HTR3A: variants seen among roughly 807,000 people sequenced by gnomAD.
HTR3A encodes the protein 5-hydroxytryptamine receptor 3A, also known as 5-hydroxytryptamine (serotonin) receptor 3A, ionotropic.
Under a neutral mutation model 54.8 loss-of-function variants are expected in HTR3A, and 45 were observed. The ratio of observed to expected loss-of-function variants is 0.82; its 90% CI spans 0.65 to 1.05. The LOEUF is 1.05. Ranked by LOEUF, HTR3A falls within the 50% of genes least tolerant of loss-of-function variation. The pLI, the probability that HTR3A is intolerant of heterozygous loss-of-function variation, is 0.00. For synonymous variants in HTR3A, 297 were observed against 256.0 expected, an observed-to-expected ratio of 1.16 and a Z score of -1.53; for missense variants, 657 against 614.0, an observed-to-expected ratio of 1.07 and a Z score of -0.74.
intron 8 of HTR3A, among the ~76,000 whole-genome samples, chr11:113,987,610 C>T (rs1950508097): frequency 6.6e-6 from 1 of 151,696 alleles, no homozygotes; most frequent in South Asian, 2.1e-4. Context: ...GTCATGCACT[C>T]CTGTGGTCCT....
chr11:113,979,338 T>TC, intron 3 of HTR3A, 61 bp downstream of exon 3: 1 of 1,395,902 alleles, frequency 7.2e-7, no homozygotes, highest in Non-Finnish European at 1.0e-6. Flanking sequence ...AGTCGGGAAT[T>TC]CGGGAGTTTC....
At chr11:113,978,036 T>A in intron 2 of HTR3A, 114 bp downstream of exon 2, 1 of 1,249,630 alleles carries the variant, frequency 8.0e-7, no homozygotes, top group Non-Finnish European at 1.2e-6. Context: ...CCATAGGACC[T>A]ACGGTCTGGC....
rs1443334135 is a variant in HTR3A, at chr11:113,977,754, A to G, written c.68-17A>G. 4 of 1,613,376 alleles carry G rather than the reference A, an allele frequency of 2.5e-6. No homozygotes were observed. In the African/African-American group the frequency reaches 5.3e-5, roughly 22 times the overall value. On this transcript the variant is annotated splice_polypyrimidine_tract_variant and intron_variant, in intron 1 of 8. Coordinates refer to ENST00000504030, the MANE Select transcript of HTR3A (RefSeq NM_000869.6). ...CTTGGGGGGCTGGTGTCTACTTTGA[A>G]CTGTTCTCCTTCCCAGCCAGGAGGA...
In HTR3A at chr11:113,983,150, G is replaced by A. The variant is rs755147159; in HGVS notation, c.405G>A (p.Pro135=). ...ATGTGGGGAAGTCTCCAAATATCCC[G>A]TACGTGTATATTCGGCATCAAGGCG... The part of the protein sequence containing the change: ...FVDVGKSPNI[P]YVYIRHQGEV... The change falls in exon 5 of 9, where the codon CCG becomes CCA. Residue 135 remains proline (P), a synonymous_variant. Coordinates refer to ENST00000504030, the MANE Select transcript of HTR3A (RefSeq NM_000869.6). The A allele has an allele frequency of 1.9e-5, 30 of 1,614,194 alleles. No homozygotes were observed. Among genetic ancestry groups the A allele is most frequent in the Admixed American group, 1.8e-4 (11 of 60,026 alleles).
At chr11:113,987,138 G>C in intron 8 of HTR3A, 92 bp downstream of exon 8, 4 of 1,324,994 alleles carry the variant, frequency 3.0e-6, no homozygotes, top group Non-Finnish European at 4.3e-6. Context: ...TGCCAAGGAG[G>C]TGCTGTACTG....
chr11:113,975,529 C>T (rs1006658755), intron 1 of HTR3A, 137 bp downstream of exon 1: 5 of 722,002 alleles, frequency 6.9e-6, no homozygotes, highest in Admixed American at 4.1e-5. Flanking sequence ...TATCTTACCA[C>T]CTATGAGCAT....
rs537061518 is a variant in HTR3A at position 113,978,033 on chromosome 11, A to G, written c.219+111A>G. ...TGTTAGGCATTTGAGAACCCATAGG[A>G]CCTACGGTCTGGCACCACAGCTCAG... On this transcript the variant is annotated intron_variant, in intron 2 of 8. Transcript: ENST00000504030. The G allele has an allele frequency of 2.3e-6, 3 of 1,290,380 alleles. No homozygotes were observed. In the South Asian group the frequency reaches 3.6e-5, roughly 15 times the overall value. 79.9% of individuals were successfully genotyped at this position (1,290,380 alleles called of 1,614,324 possible).
rs200174404 is a variant in HTR3A at position 113,977,919 on chromosome 11, C to T, written c.216C>T (p.Asn72=). The T allele has an allele frequency of 9.1e-5, 147 of 1,614,074 alleles. 2 individuals are homozygous for T. Among genetic ancestry groups the T allele is most frequent in the Middle Eastern group, 1.6e-4 (1 of 6,084 alleles). The change falls in exon 2 of 9, where the codon AAC becomes AAT. Residue 72 remains asparagine, a synonymous_variant. Coordinates refer to ENST00000504030, the MANE Select transcript of HTR3A (RefSeq NM_000869.6). ...ACGTCATTGTCTATGCCATCCTCAACGTGGTGAGGCTCAGCCCCGAGCTGC... is the reference window on the plus strand; with the variant it reads ...ACGTCATTGTCTATGCCATCCTCAATGTGGTGAGGCTCAGCCCCGAGCTGC... ...SIDVIVYAIL[N]VDEKNQVLTT... is the part of the protein sequence containing the mutation.
intron 4 of HTR3A, 30 bp from the exon 5 acceptor site, chr11:113,983,090 C>A: frequency 6.2e-7 from 1 of 1,614,086 alleles, no homozygotes; most frequent in Non-Finnish European, 8.5e-7. Context: ...GTCTCTTGAG[C>A]TCCCAAACTA....
At position 113,989,848 on chromosome 11, in the gene HTR3A, G is replaced by A. The variant is rs767520175; in HGVS notation, c.*85G>A. ...CTGCTTAGGCCCCTCAGGACCCAGG[G>A]AATGCCAGGGACATTTTCAAGACAC... On this transcript the variant is annotated 3_prime_UTR_variant, in exon 9 of 9. Coordinates refer to ENST00000504030, the MANE Select transcript of HTR3A (RefSeq NM_000869.6). This position sits in a 1 kb window ranked among gnomAD's most constrained non-coding sequence, Gnocchi z 4.4. 7.2e-6 allele frequency: 10 copies of A among 1,398,306 alleles called. No homozygotes were observed. The highest frequency in any genetic ancestry group is 1.0e-5 in the Non-Finnish European group (10 of 997,490). The allele number at this position is 1,398,306 out of a possible 1,614,324, so 86.6% of individuals were successfully genotyped here.
chr11:113,983,243 C>T lies in HTR3A; in HGVS notation c.498C>T (p.Phe166=), dbSNP rs777140975. Residue 166 remains phenylalanine, a synonymous_variant, in exon 5 of 9, where the codon TTC becomes TTT. Coordinates refer to ENST00000504030, the MANE Select transcript of HTR3A (RefSeq NM_000869.6). The part of the protein sequence containing the change: ...ACSLDIYNFP[F]DVQNCSLTFT... ...GCCTCGACATCTACAACTTCCCCTT[C>T]GATGTCCAGAACTGCTCGCTGACCT... The T allele has an allele frequency of 2.4e-5, 39 of 1,614,112 alleles. No individual in the cohort carries two copies. The highest frequency in any genetic ancestry group is 3.3e-5 in the Admixed American group (2 of 60,014).
At chr11:113,987,198 C>T in intron 8 of HTR3A, 152 bp downstream of exon 8, 5 of 777,388 alleles carry the variant, frequency 6.4e-6, no homozygotes, top group South Asian at 5.9e-5. Context: ...CAGCCTTCAG[C>T]CAAAGATGTC....
intron 4 of HTR3A, 74 bp downstream of exon 4, chr11:113,981,386 A>T (rs1950420621): frequency 1.1e-6 from 1 of 886,732 alleles, no homozygotes; most frequent in Non-Finnish European, 1.9e-6. Context: ...GAGAGACAAG[A>T]TTGTCACTGT....
At chr11:113,980,637 G>A (rs1463780096) in intron 3 of HTR3A, among the ~76,000 whole-genome samples, 2 of 152,234 alleles carry the variant, frequency 1.3e-5, no homozygotes, top group Non-Finnish European at 2.9e-5. Context: ...AAAGAGGCAT[G>A]GCCAAAATAT....
At chr11:113,987,071 A>C (rs1482963414) in intron 8 of HTR3A, 25 bp downstream of exon 8, 1 of 1,609,378 alleles carries the variant, frequency 6.2e-7, no homozygotes, top group Admixed American at 1.7e-5. Flanking sequence ...GGAAGAGTCC[A>C]TACAGAGGGG....
intron 4 of HTR3A, 124 bp downstream of exon 4, chr11:113,981,436 T>C: frequency 1.4e-6 from 1 of 721,586 alleles, no homozygotes; most frequent in East Asian, 2.7e-5. Flanking sequence ...AGACTGTAGA[T>C]AAAGCTGGTG....
At position 113,989,060 on chromosome 11, in the gene HTR3A, A is replaced by G. The variant is rs1163736694; in HGVS notation, c.1139-405A>G. 1.3e-5 allele frequency among the ~76,000 whole-genome samples: 2 copies of G among 152,042 alleles called. No individual in the cohort carries two copies. Among genetic ancestry groups the G allele is most frequent in the Non-Finnish European group, 2.9e-5 (2 of 68,016 alleles). On this transcript the variant is annotated intron_variant, in intron 8 of 8. Coordinates refer to ENST00000504030, the MANE Select transcript of HTR3A (RefSeq NM_000869.6). The surrounding 1 kb of genome is among the most constrained non-coding windows in gnomAD (Gnocchi z 4.4). ...ATGTAAGTTACTCTTTATACTTTTT[A>G]TGTCTAAAGTTGTTCCTGGCCATCC... is the stretch of plus-strand genomic sequence containing the variant.
In HTR3A at chr11:113,990,131, A is replaced by G; in HGVS notation, c.*368A>G. On this transcript the variant is annotated 3_prime_UTR_variant, in exon 9 of 9. Transcript: ENST00000504030. ...CTTTGGAATTCTGCTTCTCTTTCAC[A>G]ACTTTGCTTTTAGGTTGAAGGCAAA... 2 of 473,130 alleles carry G rather than the reference A, an allele frequency of 4.2e-6. No individual in the cohort carries two copies. Among genetic ancestry groups the G allele is most frequent in the Non-Finnish European group, 8.3e-6 (2 of 240,100 alleles). 29.3% of individuals were successfully genotyped at this position (473,130 alleles called of 1,614,324 possible).
At chr11:113,976,283 T>C (rs1950350003) in intron 1 of HTR3A, among the ~76,000 whole-genome samples, 1 of 151,994 alleles carries the variant, frequency 6.6e-6, no homozygotes, top group African/African-American at 2.4e-5. Context: ...GAGAAGAAAC[T>C]CTGTCCCTCC....
Sources: gnomAD v4.1 joint callset for allele counts (sites outside exome capture counted in the v4.1 genomes callset) on GRCh38, gnomAD v4.1.1 for gene constraint, Gnocchi (gnomAD v3.1) non-coding constraint, MANE v1.5 for transcripts, NCBI Gene and HGNC (gene_info 2026-07-23, HGNC 2026-07-21) for gene names.